DSCAML1: variants seen among roughly 807,000 people sequenced by gnomAD.
DSCAML1 encodes cell adhesion molecule DSCAML1.
DSCAML1 carries 38 observed loss-of-function variants against 200.5 expected under a neutral mutation model. The ratio of observed to expected loss-of-function variants is 0.19; its 90% CI spans 0.15 to 0.25. The LOEUF (loss-of-function observed/expected upper bound fraction) is 0.25. Ranked by LOEUF, DSCAML1 falls within the 10% of genes least tolerant of loss-of-function variation. The pLI is 1.00. For synonymous variants in DSCAML1, 1,215 were observed against 1,165.0 expected (o/e 1.04, Z -0.87); for missense variants, 2,223 against 2,858.8 (o/e 0.78, Z 5.07).
Position 117,516,453 on chromosome 11 carries a change from T to C in DSCAML1, c.1783+14A>G. ...TCAGGCGGGCAGGGGCCCTGGCTGGTGAGGGAGGCCTACCTTTGACGGCTA... is the reference window on the plus strand; with the variant it reads ...TCAGGCGGGCAGGGGCCCTGGCTGGCGAGGGAGGCCTACCTTTGACGGCTA... On this transcript the variant is annotated intron_variant, in intron 8 of 32. Coordinates refer to ENST00000651296, the MANE Select transcript of DSCAML1 (RefSeq NM_020693.4). The surrounding 1 kb of genome is among the most constrained non-coding windows in gnomAD (Gnocchi z 5.7). The C allele has an allele frequency of 5.0e-6, 8 of 1,606,156 alleles. No homozygotes were observed. The highest frequency in any genetic ancestry group is 6.0e-6 in the Non-Finnish European group (7 of 1,174,970).
At chr11:117,542,822 G>A (rs2050297786) in intron 3 of DSCAML1, among the ~76,000 whole-genome samples, 1 of 152,212 alleles carries the variant, frequency 6.6e-6, no homozygotes, top group Non-Finnish European at 1.5e-5. Context: ...ACTTGTTCAA[G>A]CCACACATCT....
intron 15 of DSCAML1, 115 bp downstream of exon 15, chr11:117,471,753 TC>T: frequency 8.7e-7 from 1 of 1,149,316 alleles, no homozygotes; most frequent in South Asian, 1.8e-5. Context: ...AGGATGCTTT[TC>T]CCCACGCCAC....
At position 117,481,143 on chromosome 11, in the gene DSCAML1, G is replaced by A. The variant is rs765079921; in HGVS notation, c.2656+31C>T. On this transcript the variant is annotated intron_variant, in intron 13 of 32. Coordinates refer to ENST00000651296, the MANE Select transcript of DSCAML1 (RefSeq NM_020693.4). ...GTGGGCCCCTGGGCCCTGGGGAGGTGGGATGGGAAGGGTGGGGCAGGTGAA... is the reference window on the plus strand; with the variant it reads ...GTGGGCCCCTGGGCCCTGGGGAGGTAGGATGGGAAGGGTGGGGCAGGTGAA... 3.7e-6 allele frequency: 6 copies of A among 1,605,820 alleles called. No individual in the cohort carries two copies. The South Asian group carries it at 4.4e-5, about 12-fold the overall frequency.
chr11:117,635,857 C>T (rs1026933742), intron 3 of DSCAML1, among the ~76,000 whole-genome samples: 1 of 152,086 alleles, frequency 6.6e-6, no homozygotes, highest in Non-Finnish European at 1.5e-5. Context: ...AGGTTACAAT[C>T]GTGGATATCT....
intron 4 of DSCAML1, among the ~76,000 whole-genome samples, chr11:117,530,157 C>A (rs1014422215): frequency 2.0e-5 from 3 of 152,064 alleles, no homozygotes; most frequent in African/African-American, 7.2e-5. Context: ...GTCTCCTCCC[C>A]CTCGCCCCTT....
rs575300190 is a variant in DSCAML1 at position 117,541,684 on chromosome 11, A to G, written c.512-9162T>C. ...GAAGAGAAAAAGTACAGACAAGAAC[A>G]CAGCCCAGGTTGTCTGGACTGTAAG... is the stretch of plus-strand genomic sequence containing the variant. On this transcript the variant is annotated intron_variant, in intron 3 of 32. Transcript: ENST00000651296. 5.9e-5 allele frequency among the ~76,000 whole-genome samples: 9 copies of G among 152,360 alleles called. No homozygotes were observed. The South Asian group carries it at 1.9e-3, about 32-fold the overall frequency.
At chr11:117,744,994 AGCC>A (rs1218688754) in intron 3 of DSCAML1, among the ~76,000 whole-genome samples, 1 of 143,194 alleles carries the variant, frequency 7.0e-6, no homozygotes, top group Non-Finnish European at 1.5e-5. Flanking sequence ...GCTACCTGAC[AGCC>A]GCAGTGATTA....
At chr11:117,647,623 G>A (rs534743838) in intron 3 of DSCAML1, among the ~76,000 whole-genome samples, 1 of 152,326 alleles carries the variant, frequency 6.6e-6, no homozygotes, top group East Asian at 1.9e-4. Flanking sequence ...GACTTGGGGA[G>A]TAGGGATGAA....
intron 14 of DSCAML1, among the ~76,000 whole-genome samples, chr11:117,477,323 G>T (rs921539948): frequency 1.4e-5 from 2 of 148,126 alleles, no homozygotes; most frequent in Non-Finnish European, 3.0e-5. Flanking sequence ...ATACTTGATT[G>T]GATAGTGCTT....
intron 3 of DSCAML1, among the ~76,000 whole-genome samples, chr11:117,709,039 G>T (rs2053799821): frequency 6.6e-6 from 1 of 152,164 alleles, no homozygotes; most frequent in African/African-American, 2.4e-5. Context: ...TGTGAAGTGG[G>T]GATATCGATA....
chr11:117,755,381 G>A (rs1387932167), intron 3 of DSCAML1, among the ~76,000 whole-genome samples: 1 of 152,146 alleles, frequency 6.6e-6, no homozygotes, highest in South Asian at 2.1e-4. Context: ...TTGAGGTGAG[G>A]CCAAAGAGAT....
intron 3 of DSCAML1, among the ~76,000 whole-genome samples, chr11:117,709,231 G>C (rs2053802466): frequency 6.6e-6 from 1 of 152,200 alleles, no homozygotes; most frequent in Non-Finnish European, 1.5e-5. Context: ...CCACAGGCTT[G>C]GTGGCTTAAG....
intron 3 of DSCAML1, among the ~76,000 whole-genome samples, chr11:117,623,663 A>C (rs1472523540): frequency 1.3e-5 from 2 of 152,224 alleles, no homozygotes; most frequent in African/African-American, 2.4e-5. Context: ...AAGTGGGGAT[A>C]ATAGTAACAC....
At chr11:117,524,764 C>T in intron 5 of DSCAML1, 41 bp downstream of exon 5, 1 of 1,546,244 alleles carries the variant, frequency 6.5e-7, no homozygotes, top group Non-Finnish European at 8.7e-7. Flanking sequence ...GAGGCGCCCT[C>T]AGAGGTTACT....
At chr11:117,581,395 C>T (rs2051036306) in intron 3 of DSCAML1, among the ~76,000 whole-genome samples, 1 of 152,176 alleles carries the variant, frequency 6.6e-6, no homozygotes, top group Non-Finnish European at 1.5e-5. Flanking sequence ...ACCACCACCG[C>T]AATCAAGATA....
intron 4 of DSCAML1, 55 bp from the exon 5 acceptor site, chr11:117,525,138 C>T (rs924253831): frequency 6.0e-5 from 88 of 1,470,206 alleles, no homozygotes; most frequent in Non-Finnish European, 7.7e-5. Context: ...GATGAAGTGG[C>T]GCTGGGGGAG....
At position 117,815,685 on chromosome 11, in the gene DSCAML1, G is replaced by A. The variant is rs568238253; in HGVS notation, c.-250+1705C>T. Among the ~76,000 whole-genome samples the A allele has an allele frequency of 2.0e-5, 3 of 152,164 alleles. No individual in the cohort carries two copies. In the East Asian group the frequency reaches 5.9e-4, roughly 30 times the overall value. ...GTGTCACTCAGGGTGACAGCAGGTA[G>A]CCCAGCAAGCCCATAGGAGCAGGAC... On this transcript the variant is annotated intron_variant, in intron 1 of 2. Coordinates refer to the DSCAML1 transcript ENST00000525836.
rs117374243 is a variant in DSCAML1, at chr11:117,807,895, C to G, written c.-250+9495G>C. On this transcript the variant is annotated intron_variant, in intron 1 of 2. Coordinates refer to the DSCAML1 transcript ENST00000525836. Reference sequence around the variant, plus strand: ...AGAGTGCAAAGGCGTGGTCTCGGCTCACTGCAACCTCCACCTCCTGGGTTC... The same window carrying G: ...AGAGTGCAAAGGCGTGGTCTCGGCTGACTGCAACCTCCACCTCCTGGGTTC... Among the ~76,000 whole-genome samples the G allele has an allele frequency of 1.6e-3, 238 of 152,288 alleles. 4 individuals are homozygous for G. The East Asian group carries it at 0.041, about 26-fold the overall frequency.
chr11:117,573,841 C>T (rs1014535259), intron 3 of DSCAML1, among the ~76,000 whole-genome samples: 1 of 152,196 alleles, frequency 6.6e-6, no homozygotes, highest in Non-Finnish European at 1.5e-5. Flanking sequence ...TGCCCTGTTC[C>T]ACCAAATCCT....
Sources: gnomAD v4.1 joint callset for allele counts (sites outside exome capture counted in the v4.1 genomes callset) on GRCh38, gnomAD v4.1.1 for gene constraint, Gnocchi (gnomAD v3.1) non-coding constraint, MANE v1.5 for transcripts, NCBI Gene and HGNC (gene_info 2026-07-23, HGNC 2026-07-21) for gene names.